Variants in SSU72 observed in about 807,000 individuals in gnomAD.
SSU72 encodes the protein RNA polymerase II subunit A C-terminal domain phosphatase SSU72.
Under a neutral mutation model 22.7 loss-of-function variants are expected in SSU72, and 12 were observed. The ratio of observed to expected loss-of-function variants is 0.53; its 90% CI spans 0.34 to 0.86. SSU72 has a LOEUF of 0.86. Among genes scored for constraint, SSU72 ranks in the 40% least tolerant of loss-of-function variants. The pLI, the probability that SSU72 is intolerant of heterozygous loss-of-function variation, is 0.02. For synonymous variants in SSU72, 116 were observed against 98.3 expected, an observed-to-expected ratio of 1.18 and a Z score of -1.06; for missense variants, 151 against 249.8, an observed-to-expected ratio of 0.60 and a Z score of 2.67.
chr1:1,555,501 C>A (rs1028867283), intron 2 of SSU72, among the ~76,000 whole-genome samples: 1 of 152,102 alleles, frequency 6.6e-6, no homozygotes, highest in Non-Finnish European at 1.5e-5. Context: ...GAGGGAGTGT[C>A]GTGCATGTGG....
At chr1:1,551,618 G>A (rs1182948122) in intron 2 of SSU72, among the ~76,000 whole-genome samples, 1 of 152,204 alleles carries the variant, frequency 6.6e-6, no homozygotes, top group Non-Finnish European at 1.5e-5. Flanking sequence ...GCTGCACTGG[G>A]CGCTGCTTCC....
intron 1 of SSU72, 25 bp downstream of exon 1, chr1:1,574,453 C>T: frequency 6.3e-7 from 1 of 1,582,364 alleles, no homozygotes; most frequent in Non-Finnish European, 8.6e-7. Flanking sequence ...GCAGAGCGCG[C>T]GGGGACAGGG....
chr1:1,542,045 G>A lies in SSU72; in HGVS notation c.*21C>T, dbSNP rs757620167. On this transcript the variant is annotated 3_prime_UTR_variant, in exon 5 of 5. Transcript: ENST00000291386. The surrounding 1 kb of genome is among the most constrained non-coding windows in gnomAD (Gnocchi z 4.4). ...ATGAACAACAGGAAGCTCCAGAGGC[G>A]GCTCCATGCGGGCGCTGGGCTCAGT... 19 of 1,559,546 alleles carry A rather than the reference G, an allele frequency of 1.2e-5. No individual in the cohort carries two copies. In the East Asian group the frequency reaches 1.4e-4, roughly 12 times the overall value.
intron 1 of SSU72, 143 bp downstream of exon 1, chr1:1,574,335 C>G (rs1642779921): frequency 1.2e-6 from 1 of 817,754 alleles, no homozygotes; most frequent in Non-Finnish European, 1.9e-6. Context: ...TGCCGTCCAG[C>G]TGCCATCCCA....
chr1:1,567,044 C>G (rs902222485), intron 1 of SSU72, among the ~76,000 whole-genome samples: 3 of 152,220 alleles, frequency 2.0e-5, no homozygotes, highest in African/African-American at 4.8e-5. Context: ...CGGACATACA[C>G]GTGCCTCTGC....
chr1:1,564,649 G>T (rs751899728), intron 2 of SSU72, 124 bp downstream of exon 2: 7 of 1,613,854 alleles, frequency 4.3e-6, no homozygotes, highest in African/African-American at 2.7e-5. Flanking sequence ...CCAAGCTCTC[G>T]CAAAGACAGA....
intron 1 of SSU72, among the ~76,000 whole-genome samples, chr1:1,573,744 T>G (rs182632450): frequency 2.6e-5 from 4 of 152,274 alleles, no homozygotes; most frequent in Admixed American, 2.6e-4. Context: ...CGTAGGTAAC[T>G]TTGGAGGTAA....
chr1:1,569,745 T>C (rs889182295), intron 1 of SSU72, among the ~76,000 whole-genome samples: 4 of 152,216 alleles, frequency 2.6e-5, no homozygotes, highest in South Asian at 4.2e-4. Context: ...CAAGCAATCC[T>C]CCTCCCTCAG....
In SSU72 at chr1:1,554,696, T is replaced by C. The variant is rs942045060; in HGVS notation, c.225-9694A>G. 2.6e-5 allele frequency among the ~76,000 whole-genome samples: 4 copies of C among 151,832 alleles called. No individual in the cohort carries two copies. The highest frequency in any genetic ancestry group is 4.4e-5 in the Non-Finnish European group (3 of 67,950). On this transcript the variant is annotated intron_variant, in intron 2 of 4. Transcript: ENST00000291386. This position sits in a 1 kb window ranked among gnomAD's most constrained non-coding sequence, Gnocchi z 4.1. Reference sequence around the variant, plus strand: ...GAACCCACAGGCACTGCCACGCCAGTGTGGCTGGCACCAGGGACCGCACTC... The same window carrying C: ...GAACCCACAGGCACTGCCACGCCAGCGTGGCTGGCACCAGGGACCGCACTC...
intron 1 of SSU72, among the ~76,000 whole-genome samples, chr1:1,567,044 C>T (rs902222485): frequency 1.3e-5 from 2 of 152,220 alleles, no homozygotes; most frequent in African/African-American, 4.8e-5. Context: ...CGGACATACA[C>T]GTGCCTCTGC....
intron 2 of SSU72, among the ~76,000 whole-genome samples, chr1:1,558,180 AAC>A (rs1208371995): frequency 6.8e-6 from 1 of 146,028 alleles, no homozygotes; most frequent in African/African-American, 2.6e-5. Context: ...CAGCCTGGGC[AAC>A]AGAGTGAGAC....
In SSU72 at chr1:1,542,278, G is replaced by A; in HGVS notation, c.484-111C>T. 1.9e-6 allele frequency: 2 copies of A among 1,042,334 alleles called. No individual in the cohort carries two copies. The highest frequency in any genetic ancestry group is 2.8e-6 in the Non-Finnish European group (2 of 703,624). The allele number at this position is 1,042,334 out of a possible 1,614,324, so 64.6% of individuals were successfully genotyped here. ...GCCTGAGCCAGCAGAAACCAGCGCA[G>A]CAGGCAGGCCCTCACCCCACCGCTG... is the stretch of plus-strand genomic sequence containing the variant. On this transcript the variant is annotated intron_variant, in intron 4 of 4. Transcript: ENST00000291386. The surrounding 1 kb of genome is among the most constrained non-coding windows in gnomAD (Gnocchi z 4.4).
rs544842478 is a variant in SSU72, at chr1:1,554,442, T to C, written c.225-9440A>G. On this transcript the variant is annotated intron_variant, in intron 2 of 4. Coordinates refer to ENST00000291386, the MANE Select transcript of SSU72 (RefSeq NM_014188.3). This position sits in a 1 kb window ranked among gnomAD's most constrained non-coding sequence, Gnocchi z 4.1. Reference sequence around the variant, plus strand: ...GACCACCCACACCCATTTGATGTGGTTGCTCTCAGGATAAACCACCCAGGG... The same window carrying C: ...GACCACCCACACCCATTTGATGTGGCTGCTCTCAGGATAAACCACCCAGGG... Among the ~76,000 whole-genome samples the C allele has an allele frequency of 9.9e-5, 15 of 152,276 alleles. No individual in the cohort carries two copies. Among genetic ancestry groups the C allele is most frequent in the African/African-American group, 3.1e-4 (13 of 41,560 alleles).
rs1319879970 is a variant in SSU72, at chr1:1,574,671, G to A, written c.-114C>T. 2 of 1,114,640 alleles carry A rather than the reference G, an allele frequency of 1.8e-6. No individual in the cohort carries two copies. The highest frequency in any genetic ancestry group is 2.5e-6 in the Non-Finnish European group (2 of 811,282). The allele number at this position is 1,114,640 out of a possible 1,614,324, so 69.0% of individuals were successfully genotyped here. A position where few individuals can be genotyped will look rare whatever the true frequency, so the allele number is the denominator to read the frequency against. On this transcript the variant is annotated 5_prime_UTR_variant, in exon 1 of 5. Coordinates refer to ENST00000291386, the MANE Select transcript of SSU72 (RefSeq NM_014188.3). ...CCGGAAGCGGGCGACGCGAAACGACGGCGCCGGCGGTGTAGCGTGCGGCGA... is the reference window on the plus strand; with the variant it reads ...CCGGAAGCGGGCGACGCGAAACGACAGCGCCGGCGGTGTAGCGTGCGGCGA...
chr1:1,543,578 G>A (rs950120534), intron 4 of SSU72, among the ~76,000 whole-genome samples: 3 of 148,758 alleles, frequency 2.0e-5, no homozygotes, highest in East Asian at 4.1e-4. Context: ...CAGCAGGGCC[G>A]GCCTCAGGTC....
intron 1 of SSU72, among the ~76,000 whole-genome samples, chr1:1,569,411 C>A (rs1029953490): frequency 6.6e-6 from 1 of 152,242 alleles, no homozygotes; most frequent in Non-Finnish European, 1.5e-5. Flanking sequence ...CCCCAGAGAA[C>A]GCTAACATGT....
intron 1 of SSU72, among the ~76,000 whole-genome samples, chr1:1,569,401 C>A (rs1349596327): frequency 6.6e-6 from 1 of 152,128 alleles, no homozygotes; most frequent in East Asian, 1.9e-4. Context: ...AAGATGATCA[C>A]CCCAGAGAAC....
chr1:1,564,471 G>A, intron 2 of SSU72: 10 of 1,472,378 alleles, frequency 6.8e-6, no homozygotes, highest in Non-Finnish European at 9.0e-6. Context: ...GGATTTTGTG[G>A]GTTCCACCTC....
chr1:1,543,377 G>A (rs1642348721), intron 4 of SSU72, among the ~76,000 whole-genome samples: 1 of 152,236 alleles, frequency 6.6e-6, no homozygotes, highest in South Asian at 2.1e-4. Context: ...AAGAGACAAG[G>A]TACCAGGCGT....
Sources: gnomAD v4.1 joint callset for allele counts (sites outside exome capture counted in the v4.1 genomes callset) on GRCh38, gnomAD v4.1.1 for gene constraint, Gnocchi (gnomAD v3.1) non-coding constraint, MANE v1.5 for transcripts, NCBI Gene and HGNC (gene_info 2026-07-23, HGNC 2026-07-21) for gene names.